Variants in CNTN5 observed in about 807,000 individuals in gnomAD.
The protein encoded by CNTN5 is contactin 5, also known as contactin-5.
Under a neutral mutation model 129.1 loss-of-function variants are expected in CNTN5, and 77 were observed. The observed-to-expected ratio is 0.60, with a 90% CI of 0.50 to 0.72. The LOEUF (loss-of-function observed/expected upper bound fraction) is 0.72. Among genes scored for constraint, CNTN5 ranks in the 30% least tolerant of loss-of-function variants. CNTN5 has a pLI of 0.00. For missense variants in CNTN5, 1,478 were observed against 1,328.8 expected (o/e 1.11, Z -1.75); for synonymous variants, 509 against 465.6 (o/e 1.09, Z -1.20).
chr11:100,268,149 T>C (rs1950341467), intron 17 of CNTN5, among the ~76,000 whole-genome samples: 2 of 152,016 alleles, frequency 1.3e-5, no homozygotes, highest in African/African-American at 4.8e-5. Context: ...TTGGAACAGA[T>C]TGGGTAGGAA....
intron 13 of CNTN5, among the ~76,000 whole-genome samples, chr11:100,165,716 T>C (rs1175757361): frequency 6.6e-6 from 1 of 151,742 alleles, no homozygotes; most frequent in Non-Finnish European, 1.5e-5. Context: ...TCATGCAATT[T>C]TAAGATTCTA....
intron 6 of CNTN5, among the ~76,000 whole-genome samples, chr11:99,871,114 C>T (rs962267744): frequency 2.0e-5 from 3 of 151,966 alleles, no homozygotes; most frequent in African/African-American, 7.2e-5. Flanking sequence ...CAAAATTTCA[C>T]AGTTACATGT....
At chr11:100,218,099 C>A (rs72985603) in intron 15 of CNTN5, among the ~76,000 whole-genome samples, 1 of 152,002 alleles carries the variant, frequency 6.6e-6, no homozygotes, top group Non-Finnish European at 1.5e-5. Flanking sequence ...TAATGATATG[C>A]GTCAATGAGC....
intron 1 of CNTN5, among the ~76,000 whole-genome samples, chr11:99,107,550 ATATAT>A (rs369713441): frequency 5.3e-5 from 8 of 152,212 alleles, no homozygotes; most frequent in East Asian, 3.9e-4. Context: ...TCATCATAGG[ATATAT>A]TATATTAACT....
intron 3 of CNTN5, among the ~76,000 whole-genome samples, chr11:99,730,458 C>A (rs2010606): frequency 0.14 from 21,786 of 152,066 alleles, 2,531 homozygotes; most frequent in African/African-American, 0.33. Flanking sequence ...AGATAAACAC[C>A]TCAATATTTT....
At chr11:100,185,022 G>A (rs568414997) in intron 13 of CNTN5, among the ~76,000 whole-genome samples, 23 of 151,936 alleles carry the variant, frequency 1.5e-4, no homozygotes, top group Middle Eastern at 3.2e-3. Context: ...CTCTCCTGCC[G>A]CCATGTGAAG....
chr11:99,678,587 A>C (rs1268131952), intron 3 of CNTN5, among the ~76,000 whole-genome samples: 1 of 152,158 alleles, frequency 6.6e-6, no homozygotes, highest in Non-Finnish European at 1.5e-5. Context: ...AAATCACATC[A>C]GTGCTTTGAC....
At chr11:100,104,385 A>C (rs368019993) in intron 13 of CNTN5, among the ~76,000 whole-genome samples, 16 of 152,182 alleles carry the variant, frequency 1.1e-4, no homozygotes, top group African/African-American at 3.9e-4. Flanking sequence ...TTGGCTGATA[A>C]GGTCACTTTT....
intron 2 of CNTN5, among the ~76,000 whole-genome samples, chr11:99,498,021 T>C (rs576609869): frequency 6.6e-6 from 1 of 152,260 alleles, no homozygotes; most frequent in East Asian, 1.9e-4. Flanking sequence ...TTAGCTACTG[T>C]GTGTTCAGGC....
chr11:100,275,587 CA>C (rs751783888), intron 18 of CNTN5, among the ~76,000 whole-genome samples: 11 of 152,142 alleles, frequency 7.2e-5, no homozygotes, highest in Non-Finnish European at 7.4e-5. Flanking sequence ...AGCATTTTAG[CA>C]AGATCACTTT....
chr11:99,857,043 T>TCTCC (rs974404248), intron 6 of CNTN5, among the ~76,000 whole-genome samples: 1 of 150,100 alleles, frequency 6.7e-6, no homozygotes, highest in South Asian at 2.1e-4. Flanking sequence ...TCCCTCTCTC[T>TCTCC]CTCCCTCCCT....
intron 8 of CNTN5, among the ~76,000 whole-genome samples, chr11:99,980,452 C>T (rs1016501851): frequency 2.0e-5 from 3 of 152,014 alleles, no homozygotes; most frequent in Non-Finnish European, 2.9e-5. Flanking sequence ...TTTGTGTAAC[C>T]GGTGTATTAG....
chr11:99,182,386 A>T (rs1858121804), intron 1 of CNTN5, among the ~76,000 whole-genome samples: 1 of 152,164 alleles, frequency 6.6e-6, no homozygotes, highest in South Asian at 2.1e-4. Context: ...TGCTTTGTTC[A>T]TTAAAGTAAT....
At chr11:100,181,492 A>G (rs1270823237) in intron 13 of CNTN5, among the ~76,000 whole-genome samples, 2 of 152,016 alleles carry the variant, frequency 1.3e-5, no homozygotes, top group Non-Finnish European at 2.9e-5. Flanking sequence ...GAAATGTCCA[A>G]TATTTTTATT....
At chr11:99,840,379 A>G (rs747528203) in intron 4 of CNTN5, among the ~76,000 whole-genome samples, 5 of 152,178 alleles carry the variant, frequency 3.3e-5, no homozygotes, top group Non-Finnish European at 7.4e-5. Flanking sequence ...TAGTCTCATA[A>G]TAAGAACTAT....
intron 1 of CNTN5, among the ~76,000 whole-genome samples, chr11:99,023,913 C>G (rs182491183): frequency 1.2e-4 from 18 of 152,108 alleles, no homozygotes; most frequent in African/African-American, 4.1e-4. Flanking sequence ...TTCTGACAAT[C>G]CAAGCATAAA....
At chr11:99,932,096 A>AT (rs1177498058) in intron 7 of CNTN5, among the ~76,000 whole-genome samples, 1 of 151,866 alleles carries the variant, frequency 6.6e-6, no homozygotes, top group Non-Finnish European at 1.5e-5. Flanking sequence ...CACTGTATTC[A>AT]TTTTTTTCAG....
intron 3 of CNTN5, among the ~76,000 whole-genome samples, chr11:99,629,006 AAAAC>A (rs1185925417): frequency 8.5e-5 from 13 of 152,048 alleles, no homozygotes; most frequent in African/African-American, 1.9e-4. Flanking sequence ...ATTAAATACT[AAAAC>A]AAACAAAAAG....
intron 21 of CNTN5, among the ~76,000 whole-genome samples, chr11:100,333,419 A>C (rs1457750608): frequency 6.7e-6 from 1 of 150,068 alleles, no homozygotes; most frequent in Non-Finnish European, 1.5e-5. Context: ...AAAAAAAAAA[A>C]AAAAAAAAAA....
Sources: gnomAD v4.1 joint callset for allele counts (sites outside exome capture counted in the v4.1 genomes callset) on GRCh38, gnomAD v4.1.1 for gene constraint, MANE v1.5 for transcripts, NCBI Gene and HGNC (gene_info 2026-07-23, HGNC 2026-07-21) for gene names.